The following EPHA6 variants were observed in gnomAD, a reference collection of about 807,000 sequenced individuals.
The protein encoded by EPHA6 is EPH receptor A6.
Under a neutral mutation model 112.0 loss-of-function variants are expected in EPHA6, and 50 were observed. The ratio of observed to expected loss-of-function variants is 0.45; its 90% CI spans 0.36 to 0.56. The LOEUF (loss-of-function observed/expected upper bound fraction) is 0.56, where lower values mean the gene tolerates loss of function less well. Among genes scored for constraint, EPHA6 ranks in the 20% least tolerant of loss-of-function variants. The probability of loss-of-function intolerance (pLI) is 0.00; values close to 1 mark genes in which losing one functional copy is unlikely to be tolerated. For missense variants in EPHA6, 1,280 were observed against 1,417.4 expected (o/e 0.90, Z 1.56); for synonymous variants, 529 against 490.7 (o/e 1.08, Z -1.03).
In EPHA6 at chr3:97,448,707, T is replaced by A. The variant is rs1233231787; in HGVS notation, c.1871T>A (p.Phe624Tyr). The A allele has an allele frequency of 2.5e-6, 4 of 1,613,382 alleles. No homozygotes were observed. Among genetic ancestry groups the A allele is most frequent in the Non-Finnish European group, 3.4e-6 (4 of 1,179,502 alleles). The change falls in exon 7 of 18, where the codon TTT becomes TAT. Residue 624 changes from phenylalanine (F) to tyrosine (Y), a missense_variant. Transcript: ENST00000389672. ...GGATACAGTGGCTACAGTCAGAAAT[T>A]TGAATTTGAAACAGGAGATGAAAGT... ...ATGYSGYSQKFEFETGDETSD... is the reference protein window; with the variant it reads ...ATGYSGYSQKYEFETGDETSD...
At chr3:97,306,992 A>G (rs1490704751) in intron 5 of EPHA6, among the ~76,000 whole-genome samples, 1 of 151,574 alleles carries the variant, frequency 6.6e-6, no homozygotes, top group Non-Finnish European at 1.5e-5. Flanking sequence ...TGTATTTTGT[A>G]AATAAAATGT....
At chr3:97,235,488 C>T (rs2078652077) in intron 4 of EPHA6, among the ~76,000 whole-genome samples, 1 of 152,010 alleles carries the variant, frequency 6.6e-6, no homozygotes, top group Non-Finnish European at 1.5e-5. Flanking sequence ...TTCTTCTATC[C>T]ATTCCTTCTT....
chr3:97,697,877 A>T (rs2107727244), intron 14 of EPHA6, among the ~76,000 whole-genome samples: 1 of 152,250 alleles, frequency 6.6e-6, no homozygotes, highest in Middle Eastern at 3.4e-3. Flanking sequence ...GACTATTCAC[A>T]CCTGTTTTAT....
intron 5 of EPHA6, among the ~76,000 whole-genome samples, chr3:97,285,727 T>A (rs1333005870): frequency 2.6e-5 from 4 of 152,128 alleles, no homozygotes; most frequent in African/African-American, 9.7e-5. Context: ...TTCCTTTTGA[T>A]AAATACCCAG....
intron 5 of EPHA6, among the ~76,000 whole-genome samples, chr3:97,258,158 C>A (rs1221933206): frequency 6.6e-6 from 1 of 151,772 alleles, no homozygotes; most frequent in Non-Finnish European, 1.5e-5. Context: ...GTTAATATCC[C>A]CAGGGTCTAC....
intron 6 of EPHA6, among the ~76,000 whole-genome samples, chr3:97,412,650 T>C (rs2107133499): frequency 6.6e-6 from 1 of 152,114 alleles, no homozygotes; most frequent in African/African-American, 2.4e-5. Flanking sequence ...TATATATAAA[T>C]TAAAAATGAC....
chr3:97,448,578 A>T lies in EPHA6; in HGVS notation c.1742A>T (p.Gln581Leu), dbSNP rs2090426829. 1 of 1,613,278 alleles carries T rather than the reference A, an allele frequency of 6.2e-7. No individual in the cohort carries two copies. Among genetic ancestry groups the T allele is most frequent in the Non-Finnish European group, 8.5e-7 (1 of 1,179,504 alleles). The change falls in exon 7 of 18, where the codon CAG becomes CTG. Residue 581 changes from glutamine (Q) to leucine (L), a missense_variant. Around this residue, in one of 4 missense-constraint regions of EPHA6, gnomAD observed 878 missense variants for 999.7 expected, o/e 0.88. Coordinates refer to ENST00000389672, the MANE Select transcript of EPHA6 (RefSeq NM_001080448.3). ...EIKYYEKEHE[Q>L]LTYSSTRSKA... is the part of the protein sequence containing the mutation. ...TTTTCTGTCCCCCAGGAACATGAGC[A>T]GCTGACCTACTCTTCCACAAGGTCC...
At chr3:97,475,743 T>TA (rs1296126150) in intron 8 of EPHA6, among the ~76,000 whole-genome samples, 1 of 152,050 alleles carries the variant, frequency 6.6e-6, no homozygotes, top group Non-Finnish European at 1.5e-5. Flanking sequence ...AATTACATCA[T>TA]AAAAAATAAT....
chr3:97,437,034 A>AT (rs565935500), intron 6 of EPHA6, among the ~76,000 whole-genome samples: 3,382 of 137,450 alleles, frequency 0.025, 53 homozygotes, highest in Middle Eastern at 0.058. Flanking sequence ...ACATTATGAG[A>AT]TTTTTTTTTT....
intron 7 of EPHA6, among the ~76,000 whole-genome samples, chr3:97,449,237 G>C (rs139351395): frequency 6.6e-6 from 1 of 152,082 alleles, no homozygotes; most frequent in Non-Finnish European, 1.5e-5. Context: ...ACCAAAATGG[G>C]AGATGAAGGG....
chr3:97,439,491 A>C, intron 6 of EPHA6: 2 of 244,702 alleles, frequency 8.2e-6, no homozygotes, highest in Non-Finnish European at 1.3e-5. Flanking sequence ...CCTCACCATT[A>C]GAAATTTCTT....
chr3:97,367,634 G>T (rs1251216624), intron 5 of EPHA6, among the ~76,000 whole-genome samples: 1 of 151,526 alleles, frequency 6.6e-6, no homozygotes, highest in African/African-American at 2.4e-5. Context: ...CCTACAACTT[G>T]CTCACACCTT....
intron 5 of EPHA6, among the ~76,000 whole-genome samples, chr3:97,250,570 C>T (rs1458332237): frequency 2.6e-5 from 4 of 152,088 alleles, no homozygotes; most frequent in South Asian, 4.1e-4. Context: ...TGCTTTAAAT[C>T]CTGTAAAATT....
rs538374012 is a variant in EPHA6 at position 97,617,472 on chromosome 3, T to C, written c.2574+6618T>C. Among the ~76,000 whole-genome samples the C allele has an allele frequency of 2.0e-5, 3 of 152,088 alleles. No individual in the cohort carries two copies. In the South Asian group the frequency reaches 6.2e-4, roughly 32 times the overall value. ...TGGGCTAAGTGCCTCAATTAAAAGA[T>C]AAAAAAATGGCAAGCTGGATAAAGA... On this transcript the variant is annotated intron_variant, in intron 13 of 17. Transcript: ENST00000389672.
chr3:96,895,973 T>C (rs1357563548), intron 2 of EPHA6, among the ~76,000 whole-genome samples: 1 of 152,208 alleles, frequency 6.6e-6, no homozygotes, highest in South Asian at 2.1e-4. Context: ...CTGTACCATG[T>C]AGCCTATGTG....
At chr3:97,157,774 T>C (rs941991104) in intron 3 of EPHA6, among the ~76,000 whole-genome samples, 17 of 152,252 alleles carry the variant, frequency 1.1e-4, no homozygotes, top group Middle Eastern at 3.4e-3. Flanking sequence ...TTACTCAGAC[T>C]TTTTGTTGGT....
intron 3 of EPHA6, among the ~76,000 whole-genome samples, chr3:97,201,523 A>G (rs1258886291): frequency 6.6e-6 from 1 of 152,106 alleles, no homozygotes; most frequent in African/African-American, 2.4e-5. Context: ...ACATTAGCTA[A>G]TCTCCTAGAG....
intron 11 of EPHA6, among the ~76,000 whole-genome samples, chr3:97,573,095 A>G (rs2093350571): frequency 6.6e-6 from 1 of 152,238 alleles, no homozygotes. Context: ...AAAACAGTCA[A>G]GTTTCTTAGT....
At chr3:97,334,490 T>G (rs1455812363) in intron 5 of EPHA6, among the ~76,000 whole-genome samples, 2 of 149,994 alleles carry the variant, frequency 1.3e-5, no homozygotes, top group Non-Finnish European at 3.0e-5. Flanking sequence ...TTTTTTTTTT[T>G]TTTTGATGAG....
Sources: allele counts gnomAD v4.1 joint callset (sites outside exome capture counted in the v4.1 genomes callset), GRCh38; gene constraint gnomAD v4.1.1; regional missense constraint gnomAD v4.1.1; transcripts MANE v1.5; gene names NCBI Gene and HGNC (gene_info 2026-07-23, HGNC 2026-07-21).